CHRNA7: variants seen among roughly 807,000 people sequenced by gnomAD.
CHRNA7 encodes the protein neuronal acetylcholine receptor subunit alpha-7.
In CHRNA7, 17 loss-of-function variants were observed where a neutral mutation model predicts 48.0. The observed-to-expected ratio is 0.35, with a 90% confidence interval of 0.24 to 0.53. The LOEUF (loss-of-function observed/expected upper bound fraction) is 0.53. Ranked by LOEUF, CHRNA7 falls within the 20% of genes least tolerant of loss-of-function variation. The probability of loss-of-function intolerance (pLI) is 0.92; values close to 1 mark genes in which losing one functional copy is unlikely to be tolerated. For synonymous variants in CHRNA7, 75 were observed against 242.3 expected, an observed-to-expected ratio of 0.31 and a Z score of 6.41; for missense variants, 155 against 577.7, an observed-to-expected ratio of 0.27 and a Z score of 7.50.
At chr15:32,036,158 A>G (rs909746965) in intron 2 of CHRNA7, among the ~76,000 whole-genome samples, 4 of 152,164 alleles carry the variant, frequency 2.6e-5, no homozygotes, top group Admixed American at 6.5e-5. Context: ...CCTTTCCACA[A>G]TGTCGTATGG....
At chr15:32,033,311 T>A (rs1901932734) in intron 2 of CHRNA7, among the ~76,000 whole-genome samples, 1 of 152,204 alleles carries the variant, frequency 6.6e-6, no homozygotes, top group South Asian at 2.1e-4. Flanking sequence ...TTGCCCACAC[T>A]GGTGATTCAC....
Position 32,149,392 on chromosome 15 carries a change from C to T in CHRNA7, c.351-4515C>T, listed in dbSNP as rs2611604. Among the ~76,000 whole-genome samples the T allele has an allele frequency of 0.067, 10,199 of 152,184 alleles. 464 individuals are homozygous for T. Among genetic ancestry groups the T allele is most frequent in the Non-Finnish European group, 0.1 (7,025 of 68,006 alleles). On this transcript the variant is annotated intron_variant, in intron 4 of 9. Transcript: ENST00000306901. This position sits in a 1 kb window ranked among gnomAD's most constrained non-coding sequence, Gnocchi z 4.6. ...CGGGGAAGCTGCGCCGGTGCTGTGG[C>T]CACTGAGGTCCTCATAGGGGTTCTG...
intron 2 of CHRNA7, among the ~76,000 whole-genome samples, chr15:32,061,342 T>C (rs913579624): frequency 2.0e-5 from 3 of 152,172 alleles, no homozygotes; most frequent in African/African-American, 7.2e-5. Flanking sequence ...AGCCTAAGAT[T>C]GCTCAAGGTC....
At chr15:32,118,212 A>G (rs889191469) in intron 4 of CHRNA7, among the ~76,000 whole-genome samples, 3 of 152,190 alleles carry the variant, frequency 2.0e-5, no homozygotes, top group African/African-American at 7.2e-5. Context: ...CACTACAGAG[A>G]GTCCCCACCA....
At chr15:32,048,570 A>G (rs1424768140) in intron 2 of CHRNA7, among the ~76,000 whole-genome samples, 6 of 150,058 alleles carry the variant, frequency 4.0e-5, no homozygotes, top group Non-Finnish European at 8.9e-5. Context: ...TTTTTTCTTT[A>G]TTAGTCTTGC....
chr15:32,055,046 G>A (rs972192171), intron 2 of CHRNA7, among the ~76,000 whole-genome samples: 3 of 152,246 alleles, frequency 2.0e-5, no homozygotes, highest in East Asian at 1.9e-4. Flanking sequence ...ACTCACCAAC[G>A]CTTGGCATTT....
intron 4 of CHRNA7, chr15:32,112,436 A>G (rs1406847276): frequency 2.9e-5 from 13 of 442,784 alleles, no homozygotes; most frequent in Admixed American, 2.4e-4. Context: ...GATTTCTAAT[A>G]GTCTTTCTCC....
chr15:32,049,954 G>A (rs970413203), intron 2 of CHRNA7, among the ~76,000 whole-genome samples: 1 of 152,124 alleles, frequency 6.6e-6, no homozygotes, highest in African/African-American at 2.4e-5. Flanking sequence ...TCTTTTCTTT[G>A]AGAATGTTGA....
intron 2 of CHRNA7, among the ~76,000 whole-genome samples, chr15:32,032,165 A>T (rs1223047708): frequency 6.6e-6 from 1 of 152,194 alleles, no homozygotes; most frequent in Non-Finnish European, 1.5e-5. Flanking sequence ...CTCGCCTCAA[A>T]TGTGTTCTTC....
In CHRNA7 at chr15:32,101,344, A is replaced by C. The variant is rs1252106594; in HGVS notation, c.237A>C (p.Gln79His). The change falls in exon 3 of 10, where the codon CAA becomes CAC. Residue 79 changes from glutamine (Q) to histidine (H), a missense_variant. Physicochemically the swap from Gln to His is conservative, Grantham distance 24. Coordinates refer to ENST00000306901, the MANE Select transcript of CHRNA7 (RefSeq NM_000746.6). Reference sequence around the variant, plus strand: ...TTTTAACCACCAACATTTGGCTGCAAATGGTAAGTTAAGAGAATGACAATC... The same window carrying C: ...TTTTAACCACCAACATTTGGCTGCACATGGTAAGTTAAGAGAATGACAATC... ...NQVLTTNIWL[Q>H]MSWTDHYLQW... 2.5e-6 allele frequency: 4 copies of C among 1,593,132 alleles called. No homozygotes were observed. The highest frequency in any genetic ancestry group is 1.7e-4 in the Middle Eastern group (1 of 6,016).
chr15:32,108,847 G>T (rs1274809606), intron 3 of CHRNA7, among the ~76,000 whole-genome samples: 1 of 152,112 alleles, frequency 6.6e-6, no homozygotes. Flanking sequence ...ATCCTGTGAG[G>T]CAGGGTACAT....
chr15:32,097,265 C>T (rs1226058958), intron 2 of CHRNA7, among the ~76,000 whole-genome samples: 1 of 152,130 alleles, frequency 6.6e-6, no homozygotes, highest in Non-Finnish European at 1.5e-5. Context: ...AGGGGGGCAG[C>T]TTGAGGATCT....
intron 2 of CHRNA7, among the ~76,000 whole-genome samples, chr15:32,082,244 CTT>C (rs920607280): frequency 5.9e-5 from 9 of 151,982 alleles, no homozygotes; most frequent in Non-Finnish European, 1.0e-4. Context: ...AGATCTGTGT[CTT>C]TTATCAAATT....
At chr15:32,113,104 C>T (rs550328343) in intron 4 of CHRNA7, among the ~76,000 whole-genome samples, 1 of 152,150 alleles carries the variant, frequency 6.6e-6, no homozygotes, top group Non-Finnish European at 1.5e-5. Flanking sequence ...CAAAGTGCTA[C>T]AGACTCAGAG....
chr15:32,031,778 A>G (rs906330206), intron 2 of CHRNA7, among the ~76,000 whole-genome samples: 26 of 152,224 alleles, frequency 1.7e-4, no homozygotes, highest in Non-Finnish European at 5.9e-5. Flanking sequence ...TGGATATTCA[A>G]TATTCATGGT....
At chr15:32,088,264 A>G (rs939033624) in intron 2 of CHRNA7, among the ~76,000 whole-genome samples, 8 of 152,180 alleles carry the variant, frequency 5.3e-5, no homozygotes, top group African/African-American at 1.9e-4. Flanking sequence ...TCATGGCTTG[A>G]TAGCTCATTT....
intron 2 of CHRNA7, among the ~76,000 whole-genome samples, chr15:32,055,894 G>A (rs1216879868): frequency 6.6e-6 from 1 of 152,010 alleles, no homozygotes; most frequent in African/African-American, 2.4e-5. Context: ...CAGGAGAATG[G>A]CGTGAACCCG....
intron 3 of CHRNA7, among the ~76,000 whole-genome samples, chr15:32,104,264 G>A (rs1427001183): frequency 1.3e-5 from 2 of 151,548 alleles, no homozygotes; most frequent in Non-Finnish European, 2.9e-5. Flanking sequence ...CACGTCACCC[G>A]AGCCCGTGCC....
intron 2 of CHRNA7, among the ~76,000 whole-genome samples, chr15:32,036,856 C>G (rs144932390): frequency 6.0e-5 from 9 of 150,290 alleles, no homozygotes; most frequent in African/African-American, 2.2e-4. Context: ...ATGTCTTTTG[C>G]AAATATTTTT....
Sources: gnomAD v4.1 joint callset for allele counts (sites outside exome capture counted in the v4.1 genomes callset) on GRCh38, gnomAD v4.1.1 for gene constraint, Gnocchi (gnomAD v3.1) non-coding constraint, MANE v1.5 for transcripts, NCBI Gene and HGNC (gene_info 2026-07-23, HGNC 2026-07-21) for gene names.